MLN: variants seen among roughly 807,000 people sequenced by gnomAD.
MLN encodes the protein promotilin.
In MLN, 14 loss-of-function variants were observed where a neutral mutation model predicts 13.3. The ratio of observed to expected loss-of-function variants is 1.05; its 90% CI spans 0.69 to 1.64. The LOEUF is 1.64. MLN is among the 40% of genes most tolerant of loss of function. MLN has a pLI of 0.00. For synonymous variants in MLN, 59 were observed against 54.7 expected, an observed-to-expected ratio of 1.08 and a Z score of -0.34; for missense variants, 122 against 142.9, an observed-to-expected ratio of 0.85 and a Z score of 0.75.
In MLN at chr6:33,799,139, T is replaced by A; in HGVS notation, c.200A>T (p.Glu67Val). 1 of 1,611,894 alleles carries A rather than the reference T, an allele frequency of 6.2e-7. No homozygotes were observed. Among genetic ancestry groups the A allele is most frequent in the Non-Finnish European group, 8.5e-7 (1 of 1,178,338 alleles). ...SGEEGPVDPAEPIREEENEMI... is the reference protein window; with the variant it reads ...SGEEGPVDPAVPIREEENEMI... ...TTCGTTTTCTTCTTCCCTGATGGGC[T>A]CCGCAGGGTCTACAGGACCTTCCTC... The change falls in exon 3 of 5, where the codon GAG (glutamate) becomes GTG (valine). Residue 67 changes from glutamate (E) to valine (V), a missense_variant. Physicochemically the swap from Glu to Val is moderately radical, Grantham distance 121 (BLOSUM62 -2). Coordinates refer to ENST00000430124, the MANE Select transcript of MLN (RefSeq NM_002418.3). The surrounding 1 kb of genome is among the most constrained non-coding windows in gnomAD (Gnocchi z 4.6).
chr6:33,801,800 C>T (rs1046114724), intron 1 of MLN, among the ~76,000 whole-genome samples: 52 of 152,376 alleles, frequency 3.4e-4, no homozygotes, highest in African/African-American at 1.0e-3. Context: ...CCCCCCGCCC[C>T]GTGCTCCAGT....
Position 33,799,250 on chromosome 6 carries a change from A to G in MLN, c.118-29T>C. 6.4e-7 allele frequency: 1 copy of G among 1,557,698 alleles called. No homozygotes were observed. Among genetic ancestry groups the G allele is most frequent in the Non-Finnish European group, 8.8e-7 (1 of 1,132,288 alleles). On this transcript the variant is annotated intron_variant, in intron 2 of 4. Coordinates refer to ENST00000430124, the MANE Select transcript of MLN (RefSeq NM_002418.3). The surrounding 1 kb of genome is among the most constrained non-coding windows in gnomAD (Gnocchi z 4.6). ...GGGGCAGAACAGAAAATTGCACAAA[A>G]CCGCCCTCCCTCAACCCACGCTGAT...
chr6:33,800,341 G>A (rs1768013923), intron 2 of MLN, among the ~76,000 whole-genome samples: 1 of 152,244 alleles, frequency 6.6e-6, no homozygotes, highest in African/African-American at 2.4e-5. Context: ...GCAGCAGGGA[G>A]GCAGAGCCAG....
Position 33,794,674 on chromosome 6 carries a change from G to A in MLN, c.*151C>T, listed in dbSNP as rs74969061. ...AAAATATTAAATAAGAGTCATTTCT[G>A]TATATTTCATGCTTTATTTGCTGGA... On this transcript the variant is annotated 3_prime_UTR_variant, in exon 5 of 5. Transcript: ENST00000430124. The A allele has an allele frequency of 0.026, 21,369 of 814,330 alleles. 390 individuals are homozygous for A. Among genetic ancestry groups the A allele is most frequent in the South Asian group, 0.064 (3,246 of 50,802 alleles). 50.4% of individuals were successfully genotyped at this position (814,330 alleles called of 1,614,324 possible).
intron 3 of MLN, among the ~76,000 whole-genome samples, chr6:33,796,416 A>G (rs1430373996): frequency 6.6e-6 from 1 of 151,978 alleles, no homozygotes; most frequent in Non-Finnish European, 1.5e-5. Context: ...TTGTCTGGAG[A>G]CTCTCCACCA....
rs760847125 is a variant in MLN at position 33,795,546 on chromosome 6, C to G, written c.294G>C (p.Pro98=). Residue 98 remains proline, a synonymous_variant, in exon 4 of 5, where the codon CCG becomes CCC. Transcript: ENST00000430124. ...RMNSRQLEKY[P]ATLEGLLSEM... Reference sequence around the variant, plus strand: ...CACTCAGCAGCCCTTCCAGGGTGGCCGGGTACTTTTCCAGCTGTCTGGAGT... The same window carrying G: ...CACTCAGCAGCCCTTCCAGGGTGGCGGGGTACTTTTCCAGCTGTCTGGAGT... 5.0e-5 allele frequency: 79 copies of G among 1,567,370 alleles called. No individual in the cohort carries two copies. Among genetic ancestry groups the G allele is most frequent in the Non-Finnish European group, 6.6e-5 (76 of 1,154,608 alleles).
chr6:33,801,144 A>C lies in MLN; in HGVS notation c.20T>G (p.Val7Gly). The part of the protein sequence containing the change: MVSRKA[V>G]AALLVVHVAA... ...TACATGCACCACCAGCAGAGCAGCC[A>C]CAGCCTTACGGGATACCATCTTGGA... The change falls in exon 2 of 5, where the codon GTG becomes GGG. Residue 7 changes from valine (V) to glycine (G), a missense_variant. Physicochemically the swap from Val to Gly is moderately radical, Grantham distance 109. Transcript: ENST00000430124. 6.2e-7 allele frequency: 1 copy of C among 1,614,012 alleles called. No individual in the cohort carries two copies. The highest frequency in any genetic ancestry group is 8.5e-7 in the Non-Finnish European group (1 of 1,179,874).
intron 2 of MLN, among the ~76,000 whole-genome samples, chr6:33,800,255 T>G (rs1768012054): frequency 6.6e-6 from 1 of 152,218 alleles, no homozygotes; most frequent in Admixed American, 6.5e-5. Flanking sequence ...GAAAGTCCCT[T>G]TCTTCATCTC....
chr6:33,799,306 T>A lies in MLN; in HGVS notation c.118-85A>T. On this transcript the variant is annotated intron_variant, in intron 2 of 4. Coordinates refer to ENST00000430124, the MANE Select transcript of MLN (RefSeq NM_002418.3). This position sits in a 1 kb window ranked among gnomAD's most constrained non-coding sequence, Gnocchi z 4.6. ...CTTGCCTGTCTCCATCTGCCCAGGG[T>A]GCTGTCTGCCCTGAGCTCCCTACAG... The A allele has an allele frequency of 1.0e-6, 1 of 958,756 alleles. No homozygotes were observed. The highest frequency in any genetic ancestry group is 1.6e-6 in the Non-Finnish European group (1 of 610,288). 59.4% of individuals were successfully genotyped at this position (958,756 alleles called of 1,614,324 possible).
chr6:33,795,927 C>A (rs1450426301), intron 3 of MLN, among the ~76,000 whole-genome samples: 16 of 151,724 alleles, frequency 1.1e-4, no homozygotes, highest in Admixed American at 1.0e-3. Context: ...ACAATTATAG[C>A]CAACATTGTG....
Position 33,801,199 on chromosome 6 carries a change from T to C in MLN, c.-7-29A>G, listed in dbSNP as rs1255198800. The C allele has an allele frequency of 2.6e-6, 4 of 1,566,084 alleles. No individual in the cohort carries two copies. The Admixed American group carries it at 5.0e-5, about 20-fold the overall frequency. On this transcript the variant is annotated intron_variant, in intron 1 of 4. Coordinates refer to ENST00000430124, the MANE Select transcript of MLN (RefSeq NM_002418.3). Reference sequence around the variant, plus strand: ...GACAATGACAAGGAGCTCTTGTCACTAAGTTTGGGGTACAGTGGCAGACTG... The same window carrying C: ...GACAATGACAAGGAGCTCTTGTCACCAAGTTTGGGGTACAGTGGCAGACTG...
rs1760881785 is a variant in MLN, at chr6:33,803,064, T to A, written c.-8+889A>T. Among the ~76,000 whole-genome samples, 1 of 152,202 alleles carries A rather than the reference T, an allele frequency of 6.6e-6. No homozygotes were observed. The highest frequency in any genetic ancestry group is 2.4e-5 in the African/African-American group (1 of 41,452). On this transcript the variant is annotated intron_variant, in intron 1 of 4. Transcript: ENST00000430124. This position sits in a 1 kb window ranked among gnomAD's most constrained non-coding sequence, Gnocchi z 4.5. ...TTCTTGATCCAACTGGCAGTCGGCATGTCACCTACGTTCATGTGTGTTCTG... is the reference window on the plus strand; with the variant it reads ...TTCTTGATCCAACTGGCAGTCGGCAAGTCACCTACGTTCATGTGTGTTCTG...
rs1767994883 is a variant in MLN at position 33,799,298 on chromosome 6, G to T, written c.118-77C>A. The T allele has an allele frequency of 9.8e-7, 1 of 1,025,036 alleles. No individual in the cohort carries two copies. Among genetic ancestry groups the T allele is most frequent in the Non-Finnish European group, 1.5e-6 (1 of 666,568 alleles). The allele number at this position is 1,025,036 out of a possible 1,614,324, so 63.5% of individuals were successfully genotyped here. On this transcript the variant is annotated intron_variant, in intron 2 of 4. Transcript: ENST00000430124. This position sits in a 1 kb window ranked among gnomAD's most constrained non-coding sequence, Gnocchi z 4.6. ...GATGGCCCCTTGCCTGTCTCCATCTGCCCAGGGTGCTGTCTGCCCTGAGCT... is the reference window on the plus strand; with the variant it reads ...GATGGCCCCTTGCCTGTCTCCATCTTCCCAGGGTGCTGTCTGCCCTGAGCT...
chr6:33,795,993 T>G (rs1767909935), intron 3 of MLN, among the ~76,000 whole-genome samples: 1 of 146,036 alleles, frequency 6.8e-6, no homozygotes, highest in East Asian at 2.0e-4. Context: ...GGAGTCTTGC[T>G]CTGTCGCCCA....
chr6:33,798,221 T>C (rs553070676), intron 3 of MLN, among the ~76,000 whole-genome samples: 1 of 152,212 alleles, frequency 6.6e-6, no homozygotes, highest in Non-Finnish European at 1.5e-5. Context: ...TTACCTTGTT[T>C]GTGGTCTGTT....
At chr6:33,802,691 G>C (rs1452939891) in intron 1 of MLN, among the ~76,000 whole-genome samples, 1 of 152,148 alleles carries the variant, frequency 6.6e-6, no homozygotes, top group South Asian at 2.1e-4. Context: ...CATCCCAGCT[G>C]TATGCAAATT....
At chr6:33,802,035 C>G (rs967824796) in intron 1 of MLN, among the ~76,000 whole-genome samples, 1 of 151,644 alleles carries the variant, frequency 6.6e-6, no homozygotes, top group African/African-American at 2.4e-5. Context: ...ACTGGGCAGA[C>G]TTTGGGCAGG....
chr6:33,794,823 C>T lies in MLN; in HGVS notation c.*2G>A. On this transcript the variant is annotated 3_prime_UTR_variant, in exon 5 of 5. Transcript: ENST00000430124. ...CTGTCCACCTTCTCCCCAGCGTGGC[C>T]ATCACTTGGCTGCTGGAGAAAAGCA... 1 of 1,613,556 alleles carries T rather than the reference C, an allele frequency of 6.2e-7. No individual in the cohort carries two copies. The highest frequency in any genetic ancestry group is 8.5e-7 in the Non-Finnish European group (1 of 1,179,736).
At chr6:33,798,736 C>T (rs1410783391) in intron 3 of MLN, among the ~76,000 whole-genome samples, 1 of 152,238 alleles carries the variant, frequency 6.6e-6, no homozygotes, top group Admixed American at 6.5e-5. Flanking sequence ...ACTCACTGTT[C>T]CTTCTCCCGG....
Sources: gnomAD v4.1 joint callset for allele counts (sites outside exome capture counted in the v4.1 genomes callset) on GRCh38, gnomAD v4.1.1 for gene constraint, Gnocchi (gnomAD v3.1) non-coding constraint, MANE v1.5 for transcripts, NCBI Gene and HGNC (gene_info 2026-07-23, HGNC 2026-07-21) for gene names.